Variants in HSD17B1 observed in about 807,000 individuals in gnomAD.
HSD17B1 encodes hydroxysteroid 17-beta dehydrogenase 1.
A neutral mutation model predicts 22.7 loss-of-function variants in HSD17B1; 16 were observed. The ratio of observed to expected loss-of-function variants is 0.71; its 90% CI spans 0.48 to 1.07. HSD17B1 has a LOEUF of 1.07. Ranked by LOEUF, HSD17B1 falls within the 50% of genes least tolerant of loss-of-function variation. HSD17B1 has a pLI of 0.00. For missense variants in HSD17B1, 533 were observed against 459.9 expected (o/e 1.16, Z -1.45); for synonymous variants, 243 against 211.0 (o/e 1.15, Z -1.31).
In HSD17B1 at chr17:42,553,155, G is replaced by C. The variant is rs2092949062; in HGVS notation, c.129G>C (p.Gln43His). ...CCACGTTGAGGGACCTGAAAACACA[G>C]GGCCGGCTGTGGGAGGCGGCCCGGG... is the stretch of plus-strand genomic sequence containing the variant. The part of the protein sequence containing the change: ...VYATLRDLKT[Q>H]GRLWEAARAL... Residue 43 changes from glutamine to histidine, a missense_variant, in exon 2 of 6, where the codon CAG becomes CAC. By Grantham distance (24) the Gln-to-His change is conservative (BLOSUM62 0). Transcript: ENST00000585807. 1.2e-6 allele frequency: 2 copies of C among 1,613,708 alleles called. No individual in the cohort carries two copies. The highest frequency in any genetic ancestry group is 2.7e-5 in the African/African-American group (2 of 74,946).
At chr17:42,553,697 G>GT (rs2092952253) in intron 3 of HSD17B1, 79 bp downstream of exon 3, 2 of 1,595,456 alleles carry the variant, frequency 1.3e-6, no homozygotes, top group Non-Finnish European at 1.7e-6. Flanking sequence ...TTCCGCGGGG[G>GT]GGGTGGAGTG....
In HSD17B1 at chr17:42,553,834, G is replaced by A; in HGVS notation, c.486G>A (p.Ala162=). 2 of 1,613,492 alleles carry A rather than the reference G, an allele frequency of 1.2e-6. No homozygotes were observed. Among genetic ancestry groups the A allele is most frequent in the East Asian group, 2.2e-5 (1 of 44,848 alleles). ...ACGTTTATTGCGCCAGCAAGTTCGC[G>A]CTCGAAGGCTTATGCGAGAGTCTGG... ...FNDVYCASKF[A]LEGLCESLAV... Residue 162 remains alanine, a synonymous_variant, in exon 4 of 6, where the codon GCG becomes GCA. Transcript: ENST00000585807.
chr17:42,554,900 G>C lies in HSD17B1; in HGVS notation c.949G>C (p.Asp317His). The C allele has an allele frequency of 2.7e-6, 4 of 1,508,468 alleles. No individual in the cohort carries two copies. The highest frequency in any genetic ancestry group is 2.6e-6 in the Non-Finnish European group (3 of 1,138,464). The allele number at this position is 1,508,468 out of a possible 1,614,324, so 93.4% of individuals were successfully genotyped here. ...EDEAGRGAVG[D>H]PELGDPPAAP... ...CGAGGCCGGGCGCGGTGCGGTGGGG[G>C]ACCCTGAGCTCGGCGATCCTCCGGC... Residue 317 changes from aspartate (D) to histidine (H), a missense_variant, in exon 6 of 6, where the codon GAC becomes CAC. Physicochemically the swap from Asp to His is moderately conservative, Grantham distance 81. Coordinates refer to ENST00000585807, the MANE Select transcript of HSD17B1 (RefSeq NM_000413.4).
In HSD17B1 at chr17:42,553,191, C is replaced by G. The variant is rs1401829869; in HGVS notation, c.165C>G (p.Cys55Trp). Residue 55 changes from cysteine to tryptophan, a missense_variant, in exon 2 of 6, where the codon TGC (cysteine) becomes TGG (tryptophan). Physicochemically the swap from Cys to Trp is radical, Grantham distance 215. Coordinates refer to ENST00000585807, the MANE Select transcript of HSD17B1 (RefSeq NM_000413.4). ...RLWEAARALA[C>W]PPGSLETLQL... ...GGGAGGCGGCCCGGGCCCTGGCATG[C>G]CCTCCGGGATCCCTGGAGACGTTGC... The G allele has an allele frequency of 1.2e-6, 2 of 1,613,756 alleles. No individual in the cohort carries two copies. Among genetic ancestry groups the G allele is most frequent in the Non-Finnish European group, 1.7e-6 (2 of 1,179,998 alleles).
Position 42,554,919 on chromosome 17 carries a change from C to G in HSD17B1, c.968C>G (p.Pro323Arg). ...GAVGDPELGD[P>R]PAAPQ ...GTGGGGGACCCTGAGCTCGGCGATC[C>G]TCCGGCCGCCCCGCAGTAAAGGCTT... The change falls in exon 6 of 6, where the codon CCT becomes CGT. Residue 323 changes from proline to arginine, a missense_variant. Pro to Arg is a moderately radical substitution (Grantham distance 103). Transcript: ENST00000585807. The G allele has an allele frequency of 2.7e-6, 4 of 1,476,968 alleles. No individual in the cohort carries two copies. In the South Asian group the frequency reaches 4.0e-5, roughly 15 times the overall value. The allele number at this position is 1,476,968 out of a possible 1,614,324, so 91.5% of individuals were successfully genotyped here.
rs546550742 is a variant in HSD17B1, at chr17:42,554,566, C to T, written c.701C>T (p.Pro234Leu). ...GTCTTTCGCGAGGCGGCGCAGAACC[C>T]TGAGGAGGTGGCGGAGGTGAGCGCC... ...KQVFREAAQN[P>L]EEVAEVFLTA... Residue 234 changes from proline (P) to leucine (L), a missense_variant, in exon 5 of 6, where the codon CCT (proline) becomes CTT (leucine). Coordinates refer to ENST00000585807, the MANE Select transcript of HSD17B1 (RefSeq NM_000413.4). The T allele has an allele frequency of 2.5e-5, 41 of 1,613,656 alleles. No homozygotes were observed. The African/African-American group carries it at 5.2e-4, about 20-fold the overall frequency.
rs368530500 is a variant in HSD17B1 at position 42,553,243 on chromosome 17, G to A, written c.217G>A (p.Val73Met). Residue 73 changes from valine to methionine, a missense_variant, in exon 2 of 6, where the codon GTG becomes ATG. Transcript: ENST00000585807. Reference sequence around the variant, plus strand: ...GCTGGACGTAAGGGACTCAAAATCCGTGGCCGCTGCCCGGGAACGCGTGAC... The same window carrying A: ...GCTGGACGTAAGGGACTCAAAATCCATGGCCGCTGCCCGGGAACGCGTGAC... ...LQLDVRDSKSVAAARERVTEG... is the reference protein window; with the variant it reads ...LQLDVRDSKSMAAARERVTEG... 7.4e-6 allele frequency: 12 copies of A among 1,612,772 alleles called. No individual in the cohort carries two copies. The highest frequency in any genetic ancestry group is 9.3e-6 in the Non-Finnish European group (11 of 1,179,996).
In HSD17B1 at chr17:42,552,987, C is replaced by T. The variant is rs768550964; in HGVS notation, c.54C>T (p.His18=). The change falls in exon 1 of 6, where the codon CAC becomes CAT. Residue 18 remains histidine, a synonymous_variant. Transcript: ENST00000585807. ...ITGCSSGIGL[H]LAVRLASDPS... ...GCTGTTCCTCGGGCATCGGCCTGCA[C>T]TTGGCCGTACGTCTGGCTTCAGATC... 13 of 1,614,170 alleles carry T rather than the reference C, an allele frequency of 8.1e-6. No individual in the cohort carries two copies. Among genetic ancestry groups the T allele is most frequent in the Non-Finnish European group, 1.1e-5 (13 of 1,180,040 alleles).
chr17:42,554,628 G>C (rs1218992128), intron 5 of HSD17B1, 41 bp from the exon 6 acceptor site: 1 of 1,605,750 alleles, frequency 6.2e-7, no homozygotes, highest in African/African-American at 1.3e-5. Context: ...TGCGTCCTCC[G>C]GCGCGCAGCG....
At position 42,554,814 on chromosome 17, in the gene HSD17B1, T is replaced by G. The variant is rs1319255507; in HGVS notation, c.863T>G (p.Val288Gly). 1.9e-6 allele frequency: 3 copies of G among 1,600,938 alleles called. No homozygotes were observed. In the Admixed American group the frequency reaches 5.0e-5, roughly 27 times the overall value. ...ATGCACCGGGAAGTGTTCGGCGACG[T>G]TCCGGCAAAGGCCGAGGCTGGGGCC... ...TAMHREVFGDVPAKAEAGAEA... is the reference protein window; with the variant it reads ...TAMHREVFGDGPAKAEAGAEA... Residue 288 changes from valine to glycine, a missense_variant, in exon 6 of 6, where the codon GTT (valine) becomes GGT (glycine). Transcript: ENST00000585807.
chr17:42,554,253 T>G, intron 4 of HSD17B1, 152 bp from the exon 5 acceptor site: 1 of 1,098,690 alleles, frequency 9.1e-7, no homozygotes, highest in East Asian at 2.6e-5. Context: ...GTTCTGGTTA[T>G]CCCCAGCGCC....
In HSD17B1 at chr17:42,553,419, C is replaced by G; in HGVS notation, c.266-20C>G. 6.2e-7 allele frequency: 1 copy of G among 1,610,264 alleles called. No individual in the cohort carries two copies. The highest frequency in any genetic ancestry group is 8.5e-7 in the Non-Finnish European group (1 of 1,179,756). On this transcript the variant is annotated intron_variant, in intron 2 of 5. Transcript: ENST00000585807. ...GAGGGTGATGCTGAGGCGGGCTGGT[C>G]GGGCCTCTTGTCTCCGCAGTGTGTA...
At position 42,554,762 on chromosome 17, in the gene HSD17B1, C is replaced by T; in HGVS notation, c.811C>T (p.Pro271Ser). The change falls in exon 6 of 6, where the codon CCC (proline) becomes TCC (serine). Residue 271 changes from proline (P) to serine (S), a missense_variant. Transcript: ENST00000585807. ...CCTGCTGCGGATGCGCCTGGACGAC[C>T]CCAGCGGCTCCAACTACGTCACCGC... ...LPLLRMRLDD[P>S]SGSNYVTAMH... is the part of the protein sequence containing the mutation. 7 of 1,603,738 alleles carry T rather than the reference C, an allele frequency of 4.4e-6. No individual in the cohort carries two copies. The highest frequency in any genetic ancestry group is 5.9e-6 in the Non-Finnish European group (7 of 1,179,722).
chr17:42,553,992 T>A, intron 4 of HSD17B1, 105 bp downstream of exon 4: 1 of 1,014,546 alleles, frequency 9.9e-7, no homozygotes, highest in South Asian at 1.4e-5. Flanking sequence ...TGGCCCTCTC[T>A]GCCCGGCTCA....
Position 42,553,866 on chromosome 17 carries a change from T to C in HSD17B1, c.518T>C (p.Leu173Pro), listed in dbSNP as rs2092953214. The C allele has an allele frequency of 1.2e-6, 2 of 1,613,076 alleles. No individual in the cohort carries two copies. Among genetic ancestry groups the C allele is most frequent in the Non-Finnish European group, 1.7e-6 (2 of 1,179,392 alleles). Residue 173 changes from leucine to proline, a missense_variant, in exon 4 of 6, where the codon CTG becomes CCG. Physicochemically the swap from Leu to Pro is moderately conservative, Grantham distance 98. Transcript: ENST00000585807. ...LEGLCESLAV[L>P]LLPFGVHLSL... ...GGCTTATGCGAGAGTCTGGCGGTTC[T>C]GCTGCTGCCCTTTGGGGTCCAGTGA...
At chr17:42,553,079 G>T in intron 1 of HSD17B1, 45 bp from the exon 2 acceptor site, 1 of 1,614,062 alleles carries the variant, frequency 6.2e-7, no homozygotes, top group Non-Finnish European at 8.5e-7. Flanking sequence ...AGCCCTTGGA[G>T]GCCAGAAGGG....
chr17:42,553,739 C>T, intron 3 of HSD17B1, 55 bp from the exon 4 acceptor site: 1 of 1,598,484 alleles, frequency 6.3e-7, no homozygotes, highest in Non-Finnish European at 8.6e-7. Context: ...GCACCGTCTG[C>T]CCGGGGATGA....
At position 42,554,664 on chromosome 17, in the gene HSD17B1, C is replaced by G. The variant is rs1567899049; in HGVS notation, c.718-5C>G. Reference sequence around the variant, plus strand: ...GTGGCCACAGCTCTCCTCCCGCCGCCGCAGGTCTTCCTCACCGCTTTGCGC... The same window carrying G: ...GTGGCCACAGCTCTCCTCCCGCCGCGGCAGGTCTTCCTCACCGCTTTGCGC... On this transcript the variant is annotated splice_region_variant and splice_polypyrimidine_tract_variant and intron_variant, in intron 5 of 5. Coordinates refer to ENST00000585807, the MANE Select transcript of HSD17B1 (RefSeq NM_000413.4). 1 of 1,604,300 alleles carries G rather than the reference C, an allele frequency of 6.2e-7. No individual in the cohort carries two copies. The highest frequency in any genetic ancestry group is 8.5e-7 in the Non-Finnish European group (1 of 1,178,572).
rs201014915 is a variant in HSD17B1 at position 42,553,923 on chromosome 17, C to T, written c.539+36C>T. On this transcript the variant is annotated intron_variant, in intron 4 of 5. Coordinates refer to ENST00000585807, the MANE Select transcript of HSD17B1 (RefSeq NM_000413.4). ...ACCCCCGTTCCCCGAACCCTCTTAACTCTGACCTAGAGACGCCGAGCACCC... is the reference window on the plus strand; with the variant it reads ...ACCCCCGTTCCCCGAACCCTCTTAATTCTGACCTAGAGACGCCGAGCACCC... The T allele has an allele frequency of 2.6e-5, 41 of 1,565,494 alleles. No homozygotes were observed. In the East Asian group the frequency reaches 6.9e-4, roughly 26 times the overall value.
Sources: allele counts gnomAD v4.1 joint callset, GRCh38; gene constraint gnomAD v4.1.1; transcripts MANE v1.5; gene names NCBI Gene and HGNC (gene_info 2026-07-23, HGNC 2026-07-21).